NT5DC1: variants seen among roughly 807,000 people sequenced by gnomAD.
The protein encoded by NT5DC1 is 5'-nucleotidase domain containing 1.
NT5DC1 carries 42 observed loss-of-function variants against 59.4 expected under a neutral mutation model. That is an observed-to-expected ratio of 0.71 (90% CI 0.55 to 0.92). The LOEUF (loss-of-function observed/expected upper bound fraction) is 0.92, where lower values mean the gene tolerates loss of function less well. Among genes scored for constraint, NT5DC1 ranks in the 40% least tolerant of loss-of-function variants. The probability of loss-of-function intolerance (pLI) is 0.00; values close to 1 mark genes in which losing one functional copy is unlikely to be tolerated. For missense variants in NT5DC1, 501 were observed against 537.1 expected (o/e 0.93, Z 0.66); for synonymous variants, 172 against 188.1 (o/e 0.91, Z 0.70).
chr6:116,180,556 AAGAAACATTC>A (rs2114472997), intron 6 of NT5DC1, among the ~76,000 whole-genome samples: 1 of 152,230 alleles, frequency 6.6e-6, no homozygotes, highest in South Asian at 2.1e-4. Flanking sequence ...ATCACAAAGA[AAGAAACATTC>A]AGCCATTTTG....
intron 6 of NT5DC1, among the ~76,000 whole-genome samples, chr6:116,164,836 C>T (rs941827531): frequency 1.1e-4 from 16 of 152,160 alleles, no homozygotes; most frequent in Admixed American, 3.9e-4. Flanking sequence ...AAAAGATACA[C>T]GCTTTGGGAG....
intron 6 of NT5DC1, among the ~76,000 whole-genome samples, chr6:116,178,106 CGTG>C (rs1780790116): frequency 7.6e-6 from 1 of 130,740 alleles, no homozygotes; most frequent in African/African-American, 3.1e-5. Context: ...CGCGCGCGTG[CGTG>C]CGTGTGTGTG....
chr6:116,221,235 G>A lies in NT5DC1; in HGVS notation c.704+7G>A. Reference sequence around the variant, plus strand: ...TCTGCGAATATATTCTTGGGTGAGTGATGAGTCATTCAGTTTTCATTGTCT... The same window carrying A: ...TCTGCGAATATATTCTTGGGTGAGTAATGAGTCATTCAGTTTTCATTGTCT... On this transcript the variant is annotated splice_region_variant and intron_variant, in intron 7 of 11. Transcript: ENST00000319550. 3 of 1,536,796 alleles carry A rather than the reference G, an allele frequency of 2.0e-6. No homozygotes were observed. Among genetic ancestry groups the A allele is most frequent in the Non-Finnish European group, 2.7e-6 (3 of 1,115,170 alleles).
intron 6 of NT5DC1, among the ~76,000 whole-genome samples, chr6:116,131,921 C>G (rs559702150): frequency 6.6e-6 from 1 of 152,204 alleles, no homozygotes; most frequent in South Asian, 2.1e-4. Context: ...TGAGAACATG[C>G]AGTATTTGGT....
Position 116,117,904 on chromosome 6 carries a change from T to A in NT5DC1, c.488T>A (p.Val163Asp). The A allele has an allele frequency of 6.3e-7, 1 of 1,588,742 alleles. No homozygotes were observed. The highest frequency in any genetic ancestry group is 8.6e-7 in the Non-Finnish European group (1 of 1,157,350). Residue 163 changes from valine to aspartate, a missense_variant, in exon 6 of 12, where the codon GTT becomes GAT. Coordinates refer to ENST00000319550, the MANE Select transcript of NT5DC1 (RefSeq NM_152729.3). Reference sequence around the variant, plus strand: ...ACATTTGATTTTTGGAAGGATATAGTTGCTGCTATACAACACAATTATAAA... The same window carrying A: ...ACATTTGATTTTTGGAAGGATATAGATGCTGCTATACAACACAATTATAAA... Reference protein sequence around the residue: ...QKTFDFWKDIVAAIQHNYKMS... With the variant: ...QKTFDFWKDIDAAIQHNYKMS...
chr6:116,122,631 T>G (rs1779165730), intron 6 of NT5DC1, among the ~76,000 whole-genome samples: 1 of 152,218 alleles, frequency 6.6e-6, no homozygotes, highest in African/African-American at 2.4e-5. Flanking sequence ...TCACTTGACC[T>G]GATAAACTAA....
chr6:116,144,215 A>C (rs1195101728), intron 6 of NT5DC1, among the ~76,000 whole-genome samples: 1 of 152,116 alleles, frequency 6.6e-6, no homozygotes, highest in Admixed American at 6.6e-5. Context: ...ATTAAAGTGT[A>C]AAAGGAGGCC....
chr6:116,168,837 GC>G (rs1382947264), intron 6 of NT5DC1, among the ~76,000 whole-genome samples: 1 of 152,106 alleles, frequency 6.6e-6, no homozygotes, highest in East Asian at 1.9e-4. Flanking sequence ...GGCAGCTAGG[GC>G]TCTAGCACTC....
intron 6 of NT5DC1, among the ~76,000 whole-genome samples, chr6:116,144,807 G>A (rs1562137195): frequency 6.6e-6 from 1 of 152,236 alleles, no homozygotes; most frequent in South Asian, 2.1e-4. Context: ...CTGTGAGTTA[G>A]TTCACCACAT....
intron 6 of NT5DC1, among the ~76,000 whole-genome samples, chr6:116,137,856 C>T (rs1393226074): frequency 6.6e-6 from 1 of 152,036 alleles, no homozygotes; most frequent in Non-Finnish European, 1.5e-5. Flanking sequence ...CCGAGGCAGA[C>T]GAATCACAAG....
chr6:116,217,497 T>G (rs1217879476), intron 6 of NT5DC1, among the ~76,000 whole-genome samples: 3 of 152,082 alleles, frequency 2.0e-5, no homozygotes, highest in Non-Finnish European at 2.9e-5. Context: ...TCTTTGTGAG[T>G]TAAGAACAAA....
chr6:116,184,791 C>G (rs1780960307), intron 6 of NT5DC1, among the ~76,000 whole-genome samples: 1 of 151,960 alleles, frequency 6.6e-6, no homozygotes. Flanking sequence ...GTTATTCTCA[C>G]TAATGGTCTA....
At chr6:116,239,214 C>T in intron 11 of NT5DC1, 91 bp downstream of exon 11, 4 of 959,516 alleles carry the variant, frequency 4.2e-6, no homozygotes, top group Non-Finnish European at 6.3e-6. Flanking sequence ...AGAAATGTTG[C>T]CACAACATTG....
intron 6 of NT5DC1, among the ~76,000 whole-genome samples, chr6:116,152,000 AGC>A (rs1291437770): frequency 2.6e-5 from 4 of 152,192 alleles, no homozygotes; most frequent in Non-Finnish European, 4.4e-5. Context: ...CTAATGACTA[AGC>A]TAATTGACTA....
chr6:116,111,039 C>T (rs1778866612), intron 4 of NT5DC1, 83 bp downstream of exon 4: 3 of 888,342 alleles, frequency 3.4e-6, no homozygotes, highest in South Asian at 3.0e-5. Context: ...CAAAGAAGAC[C>T]CCCCTTTCCC....
At chr6:116,125,282 G>A (rs1779261211) in intron 6 of NT5DC1, 4 of 1,579,192 alleles carry the variant, frequency 2.5e-6, no homozygotes, top group Middle Eastern at 1.7e-4. Flanking sequence ...AGATTATTAA[G>A]ATTATAGAAA....
chr6:116,160,753 G>A (rs1396542125), intron 6 of NT5DC1, among the ~76,000 whole-genome samples: 1 of 152,150 alleles, frequency 6.6e-6, no homozygotes, highest in Non-Finnish European at 1.5e-5. Context: ...TTTATAGTTT[G>A]AGGTCTTACA....
chr6:116,164,132 A>C (rs1582846114), intron 6 of NT5DC1, among the ~76,000 whole-genome samples: 1 of 152,064 alleles, frequency 6.6e-6, no homozygotes, highest in Admixed American at 6.5e-5. Context: ...TTTTAAGTCA[A>C]GTTTCTTTGA....
At chr6:116,163,141 A>AATATATATATATAT (rs1554197063) in intron 6 of NT5DC1, among the ~76,000 whole-genome samples, 6 of 88,392 alleles carry the variant, frequency 6.8e-5, no homozygotes, top group African/African-American at 2.9e-4. Context: ...AAAAAAAAAA[A>AATATATATATATAT]ATATATATAT....
Sources: allele counts gnomAD v4.1 joint callset (sites outside exome capture counted in the v4.1 genomes callset), GRCh38; gene constraint gnomAD v4.1.1; transcripts MANE v1.5; gene names NCBI Gene and HGNC (gene_info 2026-07-23, HGNC 2026-07-21).